HPSE2: variants seen among roughly 807,000 people sequenced by gnomAD.
HPSE2 encodes heparanase 2 (inactive), also known as inactive heparanase-2.
In HPSE2, 38 loss-of-function variants were observed where a neutral mutation model predicts 60.5. The ratio of observed to expected loss-of-function variants is 0.63; its 90% confidence interval spans 0.48 to 0.82. HPSE2 has a LOEUF of 0.82. Among genes scored for constraint, HPSE2 ranks in the 40% least tolerant of loss-of-function variants. The probability of loss-of-function intolerance (pLI) is 0.00; values close to 1 mark genes in which losing one functional copy is unlikely to be tolerated. For synonymous variants in HPSE2, 295 were observed against 293.2 expected (o/e 1.01, Z -0.06); for missense variants, 713 against 740.4 (o/e 0.96, Z 0.43).
intron 2 of HPSE2, among the ~76,000 whole-genome samples, chr10:99,215,758 G>A (rs1849098777): frequency 6.6e-6 from 1 of 152,208 alleles, no homozygotes; most frequent in Non-Finnish European, 1.5e-5. Flanking sequence ...GAAAAGTTAT[G>A]AGGAAACGGC....
intron 3 of HPSE2, among the ~76,000 whole-genome samples, chr10:98,816,928 A>C (rs1439218367): frequency 1.3e-5 from 2 of 152,066 alleles, no homozygotes; most frequent in Non-Finnish European, 2.9e-5. Context: ...CAGGACCTGA[A>C]GTAATCTTAC....
chr10:99,075,513 A>C (rs906584441), intron 3 of HPSE2, among the ~76,000 whole-genome samples: 1 of 152,106 alleles, frequency 6.6e-6, no homozygotes, highest in African/African-American at 2.4e-5. Context: ...TTGTTGGGTT[A>C]AATAATTGAT....
intron 9 of HPSE2, among the ~76,000 whole-genome samples, chr10:98,608,888 C>T (rs1945669761): frequency 6.6e-6 from 1 of 151,866 alleles, no homozygotes; most frequent in Non-Finnish European, 1.5e-5. Flanking sequence ...GGTTTTGTGC[C>T]TCCCCCGCCC....
the HPSE2 span, among the ~76,000 whole-genome samples, chr10:99,296,430 A>G: frequency 6.6e-6 from 1 of 152,178 alleles, no homozygotes; most frequent in South Asian, 2.1e-4. Context: ...GAAATGACTC[A>G]ATGAGCCCAA....
intron 3 of HPSE2, among the ~76,000 whole-genome samples, chr10:98,954,943 A>C (rs1955465284): frequency 6.8e-6 from 1 of 147,490 alleles, no homozygotes; most frequent in Non-Finnish European, 1.5e-5. Flanking sequence ...TACTCAGTGG[A>C]TCTAAGCATC....
intron 3 of HPSE2, among the ~76,000 whole-genome samples, chr10:98,808,276 C>T (rs144055884): frequency 6.6e-6 from 1 of 152,150 alleles, no homozygotes; most frequent in African/African-American, 2.4e-5. Context: ...GTTGATGATG[C>T]CATCACTCCT....
At chr10:98,797,733 A>G (rs1315408019) in intron 3 of HPSE2, among the ~76,000 whole-genome samples, 1 of 151,924 alleles carries the variant, frequency 6.6e-6, no homozygotes, top group Non-Finnish European at 1.5e-5. Flanking sequence ...AGTCCCAGCT[A>G]CTCGGGAGGC....
chr10:98,947,052 T>C (rs1473157491), intron 3 of HPSE2, among the ~76,000 whole-genome samples: 1 of 151,912 alleles, frequency 6.6e-6, no homozygotes, highest in Non-Finnish European at 1.5e-5. Context: ...AAGAGGAAAG[T>C]CATAACCTTA....
intron 3 of HPSE2, chr10:99,013,628 T>C (rs1180976430): frequency 2.3e-5 from 5 of 215,036 alleles, no homozygotes; most frequent in East Asian, 1.5e-4. Flanking sequence ...CGTGCCACCA[T>C]GCCCACCTAA....
At chr10:98,782,746 C>CA (rs1347578379) in intron 3 of HPSE2, among the ~76,000 whole-genome samples, 4 of 105,348 alleles carry the variant, frequency 3.8e-5, no homozygotes, top group Non-Finnish European at 8.3e-5. Flanking sequence ...GCTAGGGCCA[C>CA]TGGTAGGGTA....
chr10:98,547,650 T>C (rs112849135), intron 9 of HPSE2, among the ~76,000 whole-genome samples: 8,044 of 108,962 alleles, frequency 0.074, 866 homozygotes, highest in African/African-American at 0.26. Context: ...CTCTGGGGAC[T>C]GTTGTGGGGT....
intron 2 of HPSE2, among the ~76,000 whole-genome samples, chr10:99,219,114 G>A (rs970770766): frequency 3.3e-5 from 5 of 152,154 alleles, no homozygotes; most frequent in Non-Finnish European, 7.3e-5. Context: ...TGCAGTAAAG[G>A]AAGCAGACTC....
intron 3 of HPSE2, among the ~76,000 whole-genome samples, chr10:99,077,665 G>A (rs1320779520): frequency 1.3e-5 from 2 of 151,518 alleles, no homozygotes; most frequent in Non-Finnish European, 2.9e-5. Context: ...ATATATACAG[G>A]TGTATAAATA....
At chr10:98,530,227 C>T (rs772783119) in intron 9 of HPSE2, among the ~76,000 whole-genome samples, 7 of 152,186 alleles carry the variant, frequency 4.6e-5, no homozygotes, top group African/African-American at 1.7e-4. Context: ...CTCAAAGGTA[C>T]TAAGCCAGCC....
rs547428352 is a variant in HPSE2 at position 98,987,140 on chromosome 10, TTA to T, written c.610+157096_610+157097del. On this transcript the variant is annotated intron_variant, in intron 3 of 11. Coordinates refer to ENST00000370552, the MANE Select transcript of HPSE2 (RefSeq NM_021828.5). ...AAGAGGGAATCCTCCCTAACTCATT[TTA>T]TGAGGCCAGCATCATCCTGATACCA... Among the ~76,000 whole-genome samples the T allele has an allele frequency of 7.2e-5, 11 of 152,272 alleles. No individual in the cohort carries two copies. In the East Asian group the frequency reaches 1.9e-3, roughly 27 times the overall value.
chr10:99,165,311 T>C (rs1361634909), intron 2 of HPSE2, among the ~76,000 whole-genome samples: 1 of 151,886 alleles, frequency 6.6e-6, no homozygotes, highest in African/African-American at 2.4e-5. Flanking sequence ...AGCCTTACAG[T>C]GTCTATTCAA....
Position 98,921,262 on chromosome 10 carries a change from T to G in HPSE2, c.611-177206A>C, listed in dbSNP as rs72836757. On this transcript the variant is annotated intron_variant, in intron 3 of 11. Transcript: ENST00000370552. ...GAGCACTCAGTAATTGGAAATTATGTATGTCATTGTTGTTAGTGGAAGCAT... is the reference window on the plus strand; with the variant it reads ...GAGCACTCAGTAATTGGAAATTATGGATGTCATTGTTGTTAGTGGAAGCAT... 6.6e-3 allele frequency among the ~76,000 whole-genome samples: 1,008 copies of G among 152,324 alleles called. 7 individuals are homozygous for G. The highest frequency in any genetic ancestry group is 0.026 in the South Asian group (126 of 4,826).
intron 6 of HPSE2, among the ~76,000 whole-genome samples, chr10:98,689,661 T>C (rs184781048): frequency 6.6e-6 from 1 of 152,244 alleles, no homozygotes; most frequent in African/African-American, 2.4e-5. Flanking sequence ...GTCTGGTAAT[T>C]TTTTTTATTG....
intron 4 of HPSE2, among the ~76,000 whole-genome samples, chr10:98,737,938 C>T (rs918081185): frequency 2.0e-5 from 3 of 152,162 alleles, no homozygotes; most frequent in African/African-American, 7.2e-5. Flanking sequence ...GCTCATCAAG[C>T]TACCATTGAC....
Sources: allele counts gnomAD v4.1 joint callset (sites outside exome capture counted in the v4.1 genomes callset), GRCh38; gene constraint gnomAD v4.1.1; transcripts MANE v1.5; gene names NCBI Gene and HGNC (gene_info 2026-07-23, HGNC 2026-07-21).